Variants in NOL4 observed in about 807,000 individuals in gnomAD.
The protein encoded by NOL4 is cancer/testis antigen 125.
A neutral mutation model predicts 75.9 loss-of-function variants in NOL4; 17 were observed. That is an observed-to-expected ratio of 0.22 (90% confidence interval 0.15 to 0.34). The LOEUF is 0.34. Ranked by LOEUF, NOL4 falls within the 10% of genes least tolerant of loss-of-function variation. The probability of loss-of-function intolerance (pLI) is 1.00; values close to 1 mark genes in which losing one functional copy is unlikely to be tolerated. For synonymous variants in NOL4, 292 were observed against 289.9 expected (o/e 1.01, Z -0.07); for missense variants, 614 against 793.5 (o/e 0.77, Z 2.72).
chr18:34,048,385 G>A, intron 5 of NOL4: 13 of 925,568 alleles, frequency 1.4e-5, no homozygotes, highest in Non-Finnish European at 1.7e-5. Flanking sequence ...TCTTCAACAA[G>A]ACTTAGACAA....
intron 5 of NOL4, among the ~76,000 whole-genome samples, chr18:34,042,821 A>G (rs1168298787): frequency 2.0e-5 from 3 of 152,088 alleles, no homozygotes; most frequent in Non-Finnish European, 2.9e-5. Context: ...TGTCAGTACT[A>G]CATCTTGCAC....
At chr18:34,026,720 T>C (rs2144587957) in intron 5 of NOL4, among the ~76,000 whole-genome samples, 1 of 152,208 alleles carries the variant, frequency 6.6e-6, no homozygotes, top group East Asian at 1.9e-4. Flanking sequence ...AAATTCATTA[T>C]TTGATATACA....
At chr18:33,974,818 C>T (rs1370661171) in intron 6 of NOL4, among the ~76,000 whole-genome samples, 3 of 152,068 alleles carry the variant, frequency 2.0e-5, no homozygotes, top group Non-Finnish European at 4.4e-5. Context: ...ACAAGGTGTG[C>T]CTGTATCCAA....
At position 34,019,319 on chromosome 18, in the gene NOL4, T is replaced by C. The variant is rs1201253303; in HGVS notation, c.1055A>G (p.Lys352Arg). Reference sequence around the variant, plus strand: ...CTGGAAATTGTAATGTGATCATACCTTGCTTCCATTTTCTCTCGCCTCTCG... The same window carrying C: ...CTGGAAATTGTAATGTGATCATACCCTGCTTCCATTTTCTCTCGCCTCTCG... Reference protein sequence around the residue: ...MEREARENGSKSPAHSYSSYD... With the variant: ...MEREARENGSRSPAHSYSSYD... The change falls in exon 6 of 11, where the codon AAG (lysine) becomes AGG (arginine). Residue 352 changes from lysine (K) to arginine (R), a missense_variant and splice_region_variant. Physicochemically the swap from Lys to Arg is conservative, Grantham distance 26. Around this residue, in one of 9 missense-constraint regions of NOL4, gnomAD observed 196 missense variants for 167.9 expected, o/e 1.17. Transcript: ENST00000261592. The C allele has an allele frequency of 1.2e-6, 2 of 1,612,626 alleles. No individual in the cohort carries two copies. Among genetic ancestry groups the C allele is most frequent in the Non-Finnish European group, 1.7e-6 (2 of 1,178,964 alleles).
At chr18:33,988,259 C>T (rs1484150329) in intron 6 of NOL4, among the ~76,000 whole-genome samples, 1 of 152,024 alleles carries the variant, frequency 6.6e-6, no homozygotes, top group Non-Finnish European at 1.5e-5. Flanking sequence ...CAATATTATT[C>T]CTCCACTCTT....
At chr18:33,948,113 T>C (rs2068963615) in intron 8 of NOL4, among the ~76,000 whole-genome samples, 1 of 151,928 alleles carries the variant, frequency 6.6e-6, no homozygotes, top group Non-Finnish European at 1.5e-5. Context: ...CAGGTTATGG[T>C]CATGGGTTAA....
intron 1 of NOL4, among the ~76,000 whole-genome samples, chr18:34,200,819 T>TGGAAGAGTTCCATGTGGCA (rs2035680501): frequency 1.3e-5 from 2 of 151,776 alleles, no homozygotes; most frequent in Admixed American, 1.3e-4. Context: ...AAACATTCAA[T>TGGAAGAGTTCCATGTGGCA]GGAAGAGTTC....
chr18:34,137,357 A>T (rs556601531), intron 1 of NOL4, among the ~76,000 whole-genome samples: 2 of 152,186 alleles, frequency 1.3e-5, no homozygotes, highest in Non-Finnish European at 2.9e-5. Flanking sequence ...GACATCTCAT[A>T]CAAATGGGAG....
chr18:34,006,466 T>A (rs189605378), intron 6 of NOL4, among the ~76,000 whole-genome samples: 1 of 152,126 alleles, frequency 6.6e-6, no homozygotes, highest in African/African-American at 2.4e-5. Flanking sequence ...ACACCAATAC[T>A]GAGCCCTAGA....
At chr18:33,943,866 C>A (rs922677022) in intron 8 of NOL4, among the ~76,000 whole-genome samples, 7 of 151,756 alleles carry the variant, frequency 4.6e-5, no homozygotes, top group Non-Finnish European at 8.8e-5. Flanking sequence ...ATGTAGCCCA[C>A]ATAGAAAGAA....
intron 1 of NOL4, among the ~76,000 whole-genome samples, chr18:34,168,520 T>G (rs1320475038): frequency 1.3e-5 from 2 of 150,942 alleles, no homozygotes; most frequent in Non-Finnish European, 3.0e-5. Context: ...AAAAAACTAG[T>G]AAATTGGAAG....
At chr18:34,135,811 G>A (rs1187033061) in intron 1 of NOL4, among the ~76,000 whole-genome samples, 1 of 151,364 alleles carries the variant, frequency 6.6e-6, no homozygotes, top group Non-Finnish European at 1.5e-5. Context: ...AAAGCAATAG[G>A]TGACAAAACA....
At chr18:33,861,701 C>A (rs1360867753) in intron 10 of NOL4, among the ~76,000 whole-genome samples, 3 of 152,088 alleles carry the variant, frequency 2.0e-5, no homozygotes, top group African/African-American at 7.2e-5. Context: ...ACCTAGAAAT[C>A]CACCTTATAA....
chr18:34,115,273 C>T (rs1227197418), intron 2 of NOL4, among the ~76,000 whole-genome samples: 1 of 152,136 alleles, frequency 6.6e-6, no homozygotes, highest in Admixed American at 6.5e-5. Context: ...GAAGGTGGTG[C>T]ATGCAGCTGC....
At chr18:34,169,268 C>T (rs1376108446) in intron 1 of NOL4, among the ~76,000 whole-genome samples, 1 of 151,632 alleles carries the variant, frequency 6.6e-6, no homozygotes, top group African/African-American at 2.4e-5. Context: ...TATATAACAA[C>T]AATAGCATAA....
At chr18:33,948,628 CA>C (rs2068997674) in intron 8 of NOL4, among the ~76,000 whole-genome samples, 1 of 151,904 alleles carries the variant, frequency 6.6e-6, no homozygotes, top group Non-Finnish European at 1.5e-5. Flanking sequence ...TTAAAAATGA[CA>C]AAACTGAGGT....
chr18:33,966,684 C>T (rs1345604707), intron 6 of NOL4, among the ~76,000 whole-genome samples: 1 of 151,964 alleles, frequency 6.6e-6, no homozygotes, highest in Non-Finnish European at 1.5e-5. Context: ...ACAATGCAAA[C>T]ACCAATAATG....
chr18:34,199,145 G>GTTTTTTTTTTTTT (rs11323634), intron 1 of NOL4, among the ~76,000 whole-genome samples: 2 of 131,280 alleles, frequency 1.5e-5, no homozygotes, highest in Non-Finnish European at 1.6e-5. Context: ...GGACAGAGAA[G>GTTTTTTTTTTTTT]TTTTTTTTTT....
At chr18:33,915,398 A>AT (rs1225888260) in intron 9 of NOL4, among the ~76,000 whole-genome samples, 9 of 151,546 alleles carry the variant, frequency 5.9e-5, no homozygotes, top group Admixed American at 2.0e-4. Flanking sequence ...ATAATATTTT[A>AT]TTTTTTTTGC....
Sources: gnomAD v4.1 joint callset for allele counts (sites outside exome capture counted in the v4.1 genomes callset) on GRCh38, gnomAD v4.1.1 for gene constraint, gnomAD v4.1.1 regional missense constraint, MANE v1.5 for transcripts, NCBI Gene and HGNC (gene_info 2026-07-23, HGNC 2026-07-21) for gene names.